The following ARHGEF9 variants were observed in gnomAD, a reference collection of about 807,000 sequenced individuals.
The protein encoded by ARHGEF9 is rho guanine nucleotide exchange factor 9.
Under a neutral mutation model 41.3 loss-of-function variants are expected in ARHGEF9, and 2 were observed. That is an observed-to-expected ratio of 0.05 (90% CI 0.02 to 0.15). The LOEUF is 0.15. ARHGEF9 is among the 10% of genes least tolerant of loss of function. The pLI, the probability that ARHGEF9 is intolerant of heterozygous loss-of-function variation, is 1.00. For missense variants in ARHGEF9, 225 were observed against 424.7 expected (o/e 0.53, Z 4.13); for synonymous variants, 160 against 154.4 (o/e 1.04, Z -0.27).
At chrX:63,677,859 T>G (rs1168429219) in intron 5 of ARHGEF9, among the ~76,000 whole-genome samples, 1 of 111,879 alleles carries the variant, frequency 8.9e-6, no homozygotes, top group Non-Finnish European at 1.9e-5. Flanking sequence ...CTTAAAAACT[T>G]TTTTCTGGAA....
chrX:63,776,094 G>A, intron 1 of ARHGEF9, among the ~76,000 whole-genome samples: 1 of 110,995 alleles, frequency 9.0e-6, no homozygotes, highest in Non-Finnish European at 1.9e-5. Flanking sequence ...GTGGGGGATA[G>A]AGGGAATGCA....
At chrX:63,679,657 G>T in intron 4 of ARHGEF9, among the ~76,000 whole-genome samples, 1 of 111,456 alleles carries the variant, frequency 9.0e-6, no homozygotes, top group Non-Finnish European at 1.9e-5. Flanking sequence ...ATAAATTTAT[G>T]ACAAAGACAT....
intron 1 of ARHGEF9, chrX:63,767,140 C>A: frequency 1.1e-6 from 1 of 913,105 alleles, no homozygotes; most frequent in Non-Finnish European, 1.6e-6. Context: ...CATGCTGTGA[C>A]AAAGCAGCTG....
rs1569448527 is a variant in ARHGEF9, at chrX:63,661,934, G to T, written c.1077+3952C>A. Among the ~76,000 whole-genome samples, 3 of 112,146 alleles carry T rather than the reference G, an allele frequency of 2.7e-5. No individual in the cohort carries two copies. The East Asian group carries it at 8.4e-4, about 31-fold the overall frequency. Reference sequence around the variant, plus strand: ...AGTTGGATGAGAACTTAGTGGTGAGGCCACATGCTCATGGAGAGAGATCAG... The same window carrying T: ...AGTTGGATGAGAACTTAGTGGTGAGTCCACATGCTCATGGAGAGAGATCAG... On this transcript the variant is annotated intron_variant, in intron 7 of 9. Coordinates refer to ENST00000671741, the MANE Select transcript of ARHGEF9 (RefSeq NM_001353921.2).
chrX:63,678,630 T>C (rs2050420156), intron 4 of ARHGEF9, 58 bp from the exon 5 acceptor site: 1 of 837,764 alleles, frequency 1.2e-6, no homozygotes, highest in Non-Finnish European at 1.7e-6. Flanking sequence ...AAAGAAGTCT[T>C]GAAGTAATGG....
chrX:63,647,791 G>C (rs1336280283), intron 8 of ARHGEF9, among the ~76,000 whole-genome samples: 1 of 111,310 alleles, frequency 9.0e-6, no homozygotes, highest in Non-Finnish European at 1.9e-5. Flanking sequence ...GATTGGAATA[G>C]TTTCAGAAGG....
At chrX:63,779,406 C>A (rs1319420400) in intron 1 of ARHGEF9, among the ~76,000 whole-genome samples, 1 of 112,110 alleles carries the variant, frequency 8.9e-6, no homozygotes, top group African/African-American at 3.2e-5. Flanking sequence ...TACATGGTGG[C>A]AGACAAGAGA....
chrX:63,697,722 G>C (rs140853330), intron 3 of ARHGEF9, among the ~76,000 whole-genome samples: 37 of 111,820 alleles, frequency 3.3e-4, no homozygotes, highest in African/African-American at 1.2e-3. Context: ...ATTGGGAACA[G>C]AGGCCAGAAC....
At chrX:63,646,063 T>G (rs1380397184) in intron 8 of ARHGEF9, among the ~76,000 whole-genome samples, 1 of 111,791 alleles carries the variant, frequency 8.9e-6, no homozygotes, top group African/African-American at 3.3e-5. Flanking sequence ...TTCACCCACT[T>G]GTTGATGGGG....
intron 1 of ARHGEF9, among the ~76,000 whole-genome samples, chrX:63,748,650 C>T (rs1398477937): frequency 8.1e-5 from 9 of 111,554 alleles, no homozygotes; most frequent in Non-Finnish European, 1.7e-4. Context: ...ATTTGAATCA[C>T]CTTAGGGAAC....
At chrX:63,683,557 T>C (rs1399898590) in intron 4 of ARHGEF9, among the ~76,000 whole-genome samples, 8 of 111,041 alleles carry the variant, frequency 7.2e-5, no homozygotes, top group Non-Finnish European at 1.3e-4. Flanking sequence ...CTCTGAGAAA[T>C]AAAAATAAAT....
At chrX:63,674,484 G>A (rs1437862284) in intron 5 of ARHGEF9, among the ~76,000 whole-genome samples, 2 of 111,939 alleles carry the variant, frequency 1.8e-5, no homozygotes, top group African/African-American at 3.2e-5. Context: ...TGAGAGGAGC[G>A]GCTGGCCGAG....
chrX:63,665,835 G>C (rs1556347114), intron 7 of ARHGEF9, 51 bp downstream of exon 7: 11 of 1,192,094 alleles, frequency 9.2e-6, no homozygotes, highest in African/African-American at 1.8e-5. Context: ...AGGAGGGTCC[G>C]GTACCCTGTT....
At chrX:63,705,549 G>T (rs2052480350) in intron 3 of ARHGEF9, among the ~76,000 whole-genome samples, 1 of 110,872 alleles carries the variant, frequency 9.0e-6, no homozygotes, top group African/African-American at 3.3e-5. Flanking sequence ...ACAGAGAGAT[G>T]GAAGGAATGG....
intron 4 of ARHGEF9, among the ~76,000 whole-genome samples, chrX:63,691,271 G>T (rs1195464846): frequency 9.0e-6 from 1 of 111,477 alleles, no homozygotes; most frequent in Admixed American, 9.5e-5. Flanking sequence ...TGCTGGAAAT[G>T]ATCAACAAAT....
At chrX:63,700,895 T>G (rs2052114083) in intron 3 of ARHGEF9, among the ~76,000 whole-genome samples, 1 of 111,374 alleles carries the variant, frequency 9.0e-6, no homozygotes, top group Non-Finnish European at 1.9e-5. Context: ...GGAGGCAGTT[T>G]CCTAGAGCCT....
intron 2 of ARHGEF9, among the ~76,000 whole-genome samples, chrX:63,713,701 TAC>T (rs59012226): frequency 0.07 from 6,518 of 93,427 alleles, 233 homozygotes; most frequent in Non-Finnish European, 0.11. Flanking sequence ...CCACTTCACA[TAC>T]ACACACACAC....
Position 63,635,670 on chromosome X carries a change from C to T in ARHGEF9, c.*2358G>A. On this transcript the variant is annotated 3_prime_UTR_variant, in exon 10 of 10. Coordinates refer to ENST00000671741, the MANE Select transcript of ARHGEF9 (RefSeq NM_001353921.2). Reference sequence around the variant, plus strand: ...AAGTGCGGGTTGAGAAGTAATATCCCTGATCCTGGAGCCCTGGGCAGAAGC... The same window carrying T: ...AAGTGCGGGTTGAGAAGTAATATCCTTGATCCTGGAGCCCTGGGCAGAAGC... 1 of 294,553 alleles carries T rather than the reference C, an allele frequency of 3.4e-6. No homozygotes were observed. The highest frequency in any genetic ancestry group is 5.8e-6 in the Non-Finnish European group (1 of 172,816). 24.3% of individuals were successfully genotyped at this position (294,553 alleles called of 1,213,427 possible).
intron 9 of ARHGEF9, among the ~76,000 whole-genome samples, chrX:63,638,886 T>G (rs2047453284): frequency 8.9e-6 from 1 of 112,121 alleles, no homozygotes; most frequent in Non-Finnish European, 1.9e-5. Flanking sequence ...AATATGTGTG[T>G]GTCTTTTCAA....
Sources: gnomAD v4.1 joint callset for allele counts (sites outside exome capture counted in the v4.1 genomes callset) on GRCh38, gnomAD v4.1.1 for gene constraint, MANE v1.5 for transcripts, NCBI Gene and HGNC (gene_info 2026-07-23, HGNC 2026-07-21) for gene names.